The following RBFOX1 variants were observed in gnomAD, a reference collection of about 807,000 sequenced individuals.
RBFOX1 encodes RNA binding protein fox-1 homolog 1.
In RBFOX1, 8 loss-of-function variants were observed where a neutral mutation model predicts 57.7. The observed-to-expected ratio is 0.14, with a 90% CI of 0.08 to 0.25. The LOEUF is 0.25. RBFOX1 is among the 10% of genes least tolerant of loss of function. The pLI is 1.00. For missense variants in RBFOX1, 611 were observed against 548.5 expected, an observed-to-expected ratio of 1.11 and a Z score of -1.14; for synonymous variants, 326 against 222.4, an observed-to-expected ratio of 1.47 and a Z score of -4.15.
chr16:6,845,596 C>A (rs765308801), intron 3 of RBFOX1, among the ~76,000 whole-genome samples: 1 of 152,036 alleles, frequency 6.6e-6, no homozygotes, highest in Admixed American at 6.6e-5. Flanking sequence ...TGTAGGTAAT[C>A]TTCTTAAATC....
At chr16:7,286,102 G>C (rs1408162132) in intron 4 of RBFOX1, among the ~76,000 whole-genome samples, 1 of 152,176 alleles carries the variant, frequency 6.6e-6, no homozygotes, top group East Asian at 1.9e-4. Context: ...ATTTATAGAT[G>C]ATTTAAATAA....
At chr16:5,593,687 A>T (rs1442836939) in intron 2 of RBFOX1, among the ~76,000 whole-genome samples, 2 of 152,130 alleles carry the variant, frequency 1.3e-5, no homozygotes, top group African/African-American at 4.8e-5. Context: ...AGGCATGAAT[A>T]ATCCATCCCT....
chr16:6,473,315 C>T (rs2095219971), intron 2 of RBFOX1, among the ~76,000 whole-genome samples: 1 of 152,130 alleles, frequency 6.6e-6, no homozygotes. Context: ...AATCAGACAG[C>T]AAGTGCTCAA....
chr16:6,222,042 A>C (rs545015393), intron 1 of RBFOX1, among the ~76,000 whole-genome samples: 101 of 152,298 alleles, frequency 6.6e-4, no homozygotes, highest in Non-Finnish European at 2.9e-4. Flanking sequence ...CATGCACAAG[A>C]CACCATATTT....
At chr16:7,211,485 C>T (rs1261242274) in intron 4 of RBFOX1, among the ~76,000 whole-genome samples, 3 of 151,428 alleles carry the variant, frequency 2.0e-5, no homozygotes, top group Admixed American at 6.6e-5. Flanking sequence ...AAATTCTAGG[C>T]TCTAGGACTC....
intron 4 of RBFOX1, among the ~76,000 whole-genome samples, chr16:5,945,177 C>G (rs1257129353): frequency 6.6e-6 from 1 of 152,084 alleles, no homozygotes; most frequent in Non-Finnish European, 1.5e-5. Context: ...TACAGAATTA[C>G]TCACAGGCTG....
At chr16:5,667,743 A>T (rs1483136886) in intron 3 of RBFOX1, among the ~76,000 whole-genome samples, 1 of 152,186 alleles carries the variant, frequency 6.6e-6, no homozygotes, top group Non-Finnish European at 1.5e-5. Context: ...CTTTTTGCTT[A>T]GCTCTAGCAC....
chr16:7,509,434 G>C (rs1042355899), intron 4 of RBFOX1, among the ~76,000 whole-genome samples: 6 of 151,560 alleles, frequency 4.0e-5, no homozygotes, highest in Admixed American at 2.0e-4. Flanking sequence ...GTGTGTGTCT[G>C]TGTCTGTGTC....
chr16:6,872,492 G>A (rs956377874), intron 3 of RBFOX1, among the ~76,000 whole-genome samples: 34 of 152,042 alleles, frequency 2.2e-4, no homozygotes, highest in African/African-American at 8.0e-4. Flanking sequence ...TTAGGTTTCA[G>A]GCTTCCCTGA....
rs573261100 is a variant in RBFOX1, at chr16:5,871,741, C to G, written c.351+4406C>G. 5.8e-4 allele frequency among the ~76,000 whole-genome samples: 88 copies of G among 152,262 alleles called. 1 individual carries two copies. The highest frequency in any genetic ancestry group is 2.0e-3 in the African/African-American group (85 of 41,528). On this transcript the variant is annotated intron_variant, in intron 4 of 19. Coordinates refer to the RBFOX1 transcript ENST00000641259. ...AGGATGTTTGAGGAAAAAAAAAATT[C>G]ATTTCATTTCACTTACCAGTTGGTT... is the stretch of plus-strand genomic sequence containing the variant.
At chr16:5,908,926 G>C (rs1177059802) in intron 4 of RBFOX1, among the ~76,000 whole-genome samples, 1 of 151,986 alleles carries the variant, frequency 6.6e-6, no homozygotes, top group Non-Finnish European at 1.5e-5. Flanking sequence ...CAAGAAGCTG[G>C]CTGTCTGTCA....
At chr16:6,556,292 T>A (rs549947852) in intron 2 of RBFOX1, among the ~76,000 whole-genome samples, 1 of 152,338 alleles carries the variant, frequency 6.6e-6, no homozygotes, top group African/African-American at 2.4e-5. Context: ...GGGGGAGATT[T>A]TATTAACTAA....
intron 4 of RBFOX1, among the ~76,000 whole-genome samples, chr16:5,895,702 A>G (rs774172108): frequency 1.2e-4 from 18 of 152,212 alleles, no homozygotes; most frequent in Non-Finnish European, 2.1e-4. Flanking sequence ...CATTTATAAC[A>G]TAGGATCTAA....
chr16:7,553,915 A>G (rs1245234285), intron 5 of RBFOX1, among the ~76,000 whole-genome samples: 1 of 152,220 alleles, frequency 6.6e-6, no homozygotes, highest in African/African-American at 2.4e-5. Context: ...CTTAAAAGCC[A>G]TTAGTGTATG....
At chr16:5,704,007 C>A (rs1001217163) in intron 3 of RBFOX1, among the ~76,000 whole-genome samples, 2 of 152,248 alleles carry the variant, frequency 1.3e-5, no homozygotes, top group African/African-American at 4.8e-5. Context: ...CAGATCTGTT[C>A]TACCTTCAGA....
intron 3 of RBFOX1, among the ~76,000 whole-genome samples, chr16:6,925,811 G>A (rs549693408): frequency 1.3e-5 from 2 of 151,962 alleles, no homozygotes; most frequent in Non-Finnish European, 2.9e-5. Flanking sequence ...AATAAGCCTG[G>A]CGAAATTACC....
chr16:7,148,776 A>G (rs2075549072), intron 4 of RBFOX1, among the ~76,000 whole-genome samples: 1 of 152,182 alleles, frequency 6.6e-6, no homozygotes, highest in African/African-American at 2.4e-5. Flanking sequence ...GCTGCCTGAG[A>G]CTAATCCTGA....
intron 1 of RBFOX1, among the ~76,000 whole-genome samples, chr16:5,377,215 T>TC (rs891719034): frequency 1.3e-5 from 2 of 151,200 alleles, no homozygotes; most frequent in Non-Finnish European, 2.9e-5. Context: ...GACATCTGCC[T>TC]CCCCCACGCA....
chr16:5,419,753 C>A (rs569978262), intron 1 of RBFOX1, among the ~76,000 whole-genome samples: 1 of 152,084 alleles, frequency 6.6e-6, no homozygotes, highest in South Asian at 2.1e-4. Flanking sequence ...AGAGGGCTTT[C>A]TCTGGCTGCC....
Sources: gnomAD v4.1 joint callset for allele counts (sites outside exome capture counted in the v4.1 genomes callset) on GRCh38, gnomAD v4.1.1 for gene constraint, MANE v1.5 for transcripts, NCBI Gene and HGNC (gene_info 2026-07-23, HGNC 2026-07-21) for gene names.